Variants in RDM1 observed in about 807,000 individuals in gnomAD.
RDM1 encodes RAD52 motif containing 1, also known as RAD52 motif-containing protein 1.
RDM1 carries 28 observed loss-of-function variants against 27.7 expected under a neutral mutation model. The ratio of observed to expected loss-of-function variants is 1.01; its 90% CI spans 0.75 to 1.39. RDM1 has a LOEUF of 1.39. RDM1 is among the 40% of genes most tolerant of loss of function. The pLI is 0.00. For synonymous variants in RDM1, 124 were observed against 127.5 expected, an observed-to-expected ratio of 0.97 and a Z score of 0.19; for missense variants, 277 against 337.3, an observed-to-expected ratio of 0.82 and a Z score of 1.40.
At chr17:35,922,544 G>A in intron 5 of RDM1, 33 bp downstream of exon 5, 1 of 1,591,520 alleles carries the variant, frequency 6.3e-7, no homozygotes, top group Non-Finnish European at 8.5e-7. Context: ...TACTGAAACT[G>A]AAGTACTTCA....
intron 2 of RDM1, among the ~76,000 whole-genome samples, chr17:35,929,587 G>A (rs147362184): frequency 0.017 from 2,597 of 152,188 alleles, 75 homozygotes; most frequent in African/African-American, 0.058. Flanking sequence ...GACTACAGGC[G>A]CATGCCACCA....
rs182528442 is a variant in RDM1, at chr17:35,930,749, C to T, written c.-22G>A. On this transcript the variant is annotated 5_prime_UTR_variant, in exon 1 of 7. Transcript: ENST00000620284. ...CCATCCTCCCTTCACCGCACCTGCG[C>T]GGCTAACCCTCGCCCCAGCATTGCG... 2 of 1,608,764 alleles carry T rather than the reference C, an allele frequency of 1.2e-6. No individual in the cohort carries two copies. The highest frequency in any genetic ancestry group is 2.2e-5 in the East Asian group (1 of 44,758).
intron 5 of RDM1, among the ~76,000 whole-genome samples, chr17:35,920,484 G>T (rs2088904982): frequency 1.4e-5 from 2 of 138,926 alleles, no homozygotes; most frequent in African/African-American, 2.7e-5. Context: ...AGAAGACAGG[G>T]TCTCTCACTC....
In RDM1 at chr17:35,918,219, G is replaced by T; in HGVS notation, c.*123C>A. ...CCCTCCCCTTCGCCAGGAAAGATTTGGGCGGCCGACCCAGGTGGTTCCAGG... is the reference window on the plus strand; with the variant it reads ...CCCTCCCCTTCGCCAGGAAAGATTTTGGCGGCCGACCCAGGTGGTTCCAGG... On this transcript the variant is annotated 3_prime_UTR_variant, in exon 7 of 7. Coordinates refer to ENST00000620284, the MANE Select transcript of RDM1 (RefSeq NM_145654.4). 1.4e-6 allele frequency: 1 copy of T among 734,724 alleles called. No homozygotes were observed. The highest frequency in any genetic ancestry group is 2.3e-6 in the Non-Finnish European group (1 of 428,122). 45.5% of individuals were successfully genotyped at this position (734,724 alleles called of 1,614,324 possible).
At chr17:35,928,723 T>C (rs976757045) in intron 2 of RDM1, among the ~76,000 whole-genome samples, 28 of 146,992 alleles carry the variant, frequency 1.9e-4, no homozygotes, top group African/African-American at 6.6e-4. Context: ...GATCACACCA[T>C]TGCACTCCAG....
chr17:35,925,788 T>C (rs1431603260), intron 2 of RDM1, 151 bp from the exon 3 acceptor site: 2 of 848,992 alleles, frequency 2.4e-6, no homozygotes, highest in Admixed American at 2.5e-5. Context: ...GACCTGAATA[T>C]AGATAAGATG....
chr17:35,929,347 A>T (rs2089249533), intron 2 of RDM1, among the ~76,000 whole-genome samples: 2 of 152,202 alleles, frequency 1.3e-5, no homozygotes, highest in South Asian at 4.1e-4. Flanking sequence ...TGCATCCTCA[A>T]ACTCCTGGGC....
At chr17:35,929,572 G>A (rs567878968) in intron 2 of RDM1, among the ~76,000 whole-genome samples, 1 of 152,288 alleles carries the variant, frequency 6.6e-6, no homozygotes, top group Non-Finnish European at 1.5e-5. Flanking sequence ...CTCCCGAGTA[G>A]CTGGGACTAC....
At chr17:35,918,568 A>T in intron 6 of RDM1, 125 bp from the exon 7 acceptor site, 1 of 772,448 alleles carries the variant, frequency 1.3e-6, no homozygotes, top group Non-Finnish European at 2.2e-6. Flanking sequence ...TCACCACTCT[A>T]TTAGGTAGGG....
chr17:35,926,604 C>G (rs986908489), intron 2 of RDM1, among the ~76,000 whole-genome samples: 1 of 152,092 alleles, frequency 6.6e-6, no homozygotes, highest in African/African-American at 2.4e-5. Flanking sequence ...TGGGGTTTCA[C>G]CGTGTTAGCC....
chr17:35,930,021 TATTG>T, intron 2 of RDM1, 51 bp downstream of exon 2: 1 of 1,466,766 alleles, frequency 6.8e-7, no homozygotes, highest in South Asian at 1.2e-5. Flanking sequence ...GCTAACCTAT[TATTG>T]AATTCAGCAC....
In RDM1 at chr17:35,918,094, C is replaced by A. The variant is rs1482586876; in HGVS notation, c.*248G>T. The A allele has an allele frequency of 7.0e-6, 4 of 570,104 alleles. No individual in the cohort carries two copies. The East Asian group carries it at 8.7e-5, about 12-fold the overall frequency. 35.3% of individuals were successfully genotyped at this position (570,104 alleles called of 1,614,324 possible). A position where few individuals can be genotyped will look rare whatever the true frequency, so the allele number is the denominator to read the frequency against. On this transcript the variant is annotated 3_prime_UTR_variant, in exon 7 of 7. Coordinates refer to ENST00000620284, the MANE Select transcript of RDM1 (RefSeq NM_145654.4). ...TTTACCATATCTTTATCTAGGCAAC[C>A]TTTATTAAGTTCCGTTCGAGATCCG...
chr17:35,925,931 G>A (rs1331440737), intron 2 of RDM1, among the ~76,000 whole-genome samples: 2 of 151,892 alleles, frequency 1.3e-5, no homozygotes, highest in African/African-American at 2.4e-5. Flanking sequence ...TCAGGATATC[G>A]AGACCATCCT....
At chr17:35,927,305 T>C (rs2089187519) in intron 2 of RDM1, among the ~76,000 whole-genome samples, 2 of 151,866 alleles carry the variant, frequency 1.3e-5, no homozygotes, top group African/African-American at 4.8e-5. Context: ...CTGGGCGTGG[T>C]GGTGCACGCC....
At chr17:35,925,180 C>CA (rs1179270805) in intron 3 of RDM1, among the ~76,000 whole-genome samples, 2 of 151,942 alleles carry the variant, frequency 1.3e-5, no homozygotes, top group African/African-American at 4.8e-5. Flanking sequence ...AAAGAAAACC[C>CA]AAAAAACAAC....
chr17:35,930,280 C>CATG, intron 1 of RDM1, 25 bp from the exon 2 acceptor site: 1 of 1,613,958 alleles, frequency 6.2e-7, no homozygotes, highest in Non-Finnish European at 8.5e-7. Context: ...CAAGTAAATG[C>CATG]ATGAAATCTC....
chr17:35,918,469 G>T, intron 6 of RDM1, 26 bp from the exon 7 acceptor site: 1 of 1,581,068 alleles, frequency 6.3e-7, no homozygotes, highest in Non-Finnish European at 8.7e-7. Flanking sequence ...TAGTTAGGGT[G>T]GCAGGCAGAA....
In RDM1 at chr17:35,930,663, AG is replaced by A. The variant is rs1406601534; in HGVS notation, c.64del (p.Leu22Ter). On this transcript the variant is annotated frameshift_variant, in exon 1 of 7. Transcript: ENST00000620284. LOFTEE classifies it high-confidence loss of function. Reference protein sequence around the residue: ...ESDKTLLVWELSSGPTAEALH... With the variant: ...ESDKTLLVWEXSSGPTAEALH... ...AGCCTCGGCCGTGGGTCCGGAGCTC[AG>A]CTCCCACACTAGCAAGGTTTTGTCA... The A allele has an allele frequency of 1.9e-6, 3 of 1,613,678 alleles. No individual in the cohort carries two copies. The highest frequency in any genetic ancestry group is 2.5e-6 in the Non-Finnish European group (3 of 1,179,968).
Position 35,918,450 on chromosome 17 carries a change from A to T in RDM1, c.754-7T>A, listed in dbSNP as rs1330421833. On this transcript the variant is annotated splice_polypyrimidine_tract_variant and splice_region_variant and intron_variant, in intron 6 of 6. Transcript: ENST00000620284. The stretch of plus-strand genomic sequence containing the variant: ...TCCAGGGAGAGCAAGGGACCTGCAA[A>T]ATGTGCGCTAGTTAGGGTGGCAGGC... The T allele has an allele frequency of 1.2e-6, 2 of 1,610,460 alleles. No homozygotes were observed. The highest frequency in any genetic ancestry group is 2.7e-5 in the African/African-American group (2 of 74,854).
Sources: allele counts gnomAD v4.1 joint callset (sites outside exome capture counted in the v4.1 genomes callset), GRCh38; gene constraint gnomAD v4.1.1; transcripts MANE v1.5; gene names NCBI Gene and HGNC (gene_info 2026-07-23, HGNC 2026-07-21).